Variants in NKAIN2 observed in about 807,000 individuals in gnomAD.
The protein encoded by NKAIN2 is sodium/potassium transporting ATPase interacting 2, also known as sodium/potassium-transporting ATPase subunit beta-1-interacting protein 2.
In NKAIN2, 14 loss-of-function variants were observed where a neutral mutation model predicts 32.6. The ratio of observed to expected loss-of-function variants is 0.43; its 90% confidence interval spans 0.28 to 0.67. The LOEUF is 0.67. Among genes scored for constraint, NKAIN2 ranks in the 30% least tolerant of loss-of-function variants. The pLI is 0.17. For missense variants in NKAIN2, 198 were observed against 258.3 expected (o/e 0.77, Z 1.60); for synonymous variants, 80 against 87.2 (o/e 0.92, Z 0.46).
chr6:124,282,907 A>G (rs1795367843), intron 1 of NKAIN2, 98 bp from the exon 2 acceptor site: 1 of 997,256 alleles, frequency 1.0e-6, no homozygotes, highest in Admixed American at 2.0e-5. Context: ...ACACAGTTAT[A>G]AGTGCTAATT....
At chr6:124,387,556 G>T (rs12055404) in intron 3 of NKAIN2, among the ~76,000 whole-genome samples, 4 of 151,756 alleles carry the variant, frequency 2.6e-5, no homozygotes, top group African/African-American at 9.7e-5. Flanking sequence ...AAAATGATCC[G>T]CATGATAACC....
chr6:123,917,612 T>C (rs1460812381), intron 1 of NKAIN2, among the ~76,000 whole-genome samples: 1 of 152,154 alleles, frequency 6.6e-6, no homozygotes, highest in Non-Finnish European at 1.5e-5. Context: ...GATATTCTGC[T>C]CTTGGGCCTT....
rs575192915 is a variant in NKAIN2 at position 124,513,331 on chromosome 6, T to C, written c.274-144855T>C. On this transcript the variant is annotated intron_variant, in intron 3 of 6. Coordinates refer to ENST00000368417, the MANE Select transcript of NKAIN2 (RefSeq NM_001040214.3). ...GTTCTCTTGAATTTTTTTCTTACAA[T>C]GTGCCTATGTAAGAAAGTGCTTCAT... Among the ~76,000 whole-genome samples, 11 of 152,302 alleles carry C rather than the reference T, an allele frequency of 7.2e-5. No individual in the cohort carries two copies. In the South Asian group the frequency reaches 2.3e-3, roughly 32 times the overall value.
At chr6:124,123,056 C>G (rs889315181) in intron 1 of NKAIN2, among the ~76,000 whole-genome samples, 26 of 151,806 alleles carry the variant, frequency 1.7e-4, no homozygotes, top group Admixed American at 7.2e-4. Context: ...TGTTAGGCAT[C>G]ACATTTCAAA....
chr6:124,159,115 G>C (rs1788140672), intron 1 of NKAIN2, among the ~76,000 whole-genome samples: 1 of 152,014 alleles, frequency 6.6e-6, no homozygotes, highest in African/African-American at 2.4e-5. Context: ...TTCCATATTT[G>C]TTTCTCTATA....
intron 1 of NKAIN2, among the ~76,000 whole-genome samples, chr6:123,879,684 G>A (rs1773360281): frequency 6.6e-6 from 1 of 152,186 alleles, no homozygotes; most frequent in South Asian, 2.1e-4. Flanking sequence ...TGGGGTACCA[G>A]TACCAGAGTG....
At chr6:124,303,814 G>A (rs1306048493) in intron 2 of NKAIN2, among the ~76,000 whole-genome samples, 1 of 152,190 alleles carries the variant, frequency 6.6e-6, no homozygotes, top group East Asian at 1.9e-4. Context: ...TAAAGATGAA[G>A]AGGACTTGAA....
chr6:124,504,763 C>A (rs932850266), intron 3 of NKAIN2, among the ~76,000 whole-genome samples: 1 of 152,180 alleles, frequency 6.6e-6, no homozygotes, highest in Non-Finnish European at 1.5e-5. Context: ...GGTTTACACT[C>A]AGAAAAGTTT....
intron 1 of NKAIN2, among the ~76,000 whole-genome samples, chr6:124,084,407 A>G (rs1450946234): frequency 6.6e-6 from 1 of 151,648 alleles, no homozygotes; most frequent in East Asian, 1.9e-4. Context: ...AATAGGCTAC[A>G]GAACATGGCC....
intron 1 of NKAIN2, among the ~76,000 whole-genome samples, chr6:124,209,195 C>T (rs1167550516): frequency 2.6e-5 from 4 of 151,676 alleles, no homozygotes; most frequent in Admixed American, 6.6e-5. Flanking sequence ...ATTTTTAGCT[C>T]CCACATGTGA....
At chr6:124,333,967 GTTT>G (rs551841001) in intron 2 of NKAIN2, among the ~76,000 whole-genome samples, 1 of 152,072 alleles carries the variant, frequency 6.6e-6, no homozygotes. Context: ...ACTTTTAACA[GTTT>G]TTTATTTTAA....
intron 3 of NKAIN2, among the ~76,000 whole-genome samples, chr6:124,622,153 T>C (rs1783129483): frequency 6.6e-6 from 1 of 152,190 alleles, no homozygotes. Context: ...TCCTTGCTTC[T>C]TCTAGCTTTG....
chr6:124,139,567 AAG>A (rs981345557), intron 1 of NKAIN2, among the ~76,000 whole-genome samples: 10 of 152,184 alleles, frequency 6.6e-5, no homozygotes, highest in African/African-American at 2.2e-4. Flanking sequence ...ACAGTAGAAA[AAG>A]AGTTTCACTT....
chr6:124,180,129 A>G (rs1429257239), intron 1 of NKAIN2, among the ~76,000 whole-genome samples: 4 of 151,638 alleles, frequency 2.6e-5, no homozygotes, highest in African/African-American at 4.9e-5. Context: ...GTGTGTGTGT[A>G]TGTATCCAGA....
chr6:123,905,951 T>A (rs745382677), intron 1 of NKAIN2, among the ~76,000 whole-genome samples: 11 of 152,326 alleles, frequency 7.2e-5, no homozygotes, highest in Admixed American at 3.3e-4. Flanking sequence ...GGTACCAGAT[T>A]AAGATGGATT....
At chr6:124,487,202 T>C (rs2785711) in intron 3 of NKAIN2, among the ~76,000 whole-genome samples, 145,937 of 152,124 alleles carry the variant, frequency 0.96, 70,318 homozygotes, top group East Asian at 1. Context: ...GTGCTTTCAA[T>C]GATTCTGTTC....
chr6:124,701,153 G>GCACACACA (rs60670238), intron 4 of NKAIN2, among the ~76,000 whole-genome samples: 14 of 132,112 alleles, frequency 1.1e-4, no homozygotes, highest in African/African-American at 3.5e-4. Flanking sequence ...ACACACACAC[G>GCACACACA]CACACACACA....
At chr6:124,479,116 A>G (rs1448212968) in intron 3 of NKAIN2, among the ~76,000 whole-genome samples, 1 of 152,188 alleles carries the variant, frequency 6.6e-6, no homozygotes, top group Non-Finnish European at 1.5e-5. Flanking sequence ...AAAGGTCATC[A>G]AAAGCAAGGA....
At chr6:124,406,938 T>A in intron 3 of NKAIN2, among the ~76,000 whole-genome samples, 1 of 152,186 alleles carries the variant, frequency 6.6e-6, no homozygotes, top group East Asian at 1.9e-4. Flanking sequence ...TTTTTCTTAT[T>A]ATTATGTTTA....
Sources: gnomAD v4.1 joint callset for allele counts (sites outside exome capture counted in the v4.1 genomes callset) on GRCh38, gnomAD v4.1.1 for gene constraint, MANE v1.5 for transcripts, NCBI Gene and HGNC (gene_info 2026-07-23, HGNC 2026-07-21) for gene names.